DPP6: variants seen among roughly 807,000 people sequenced by gnomAD.
DPP6 encodes dipeptidyl peptidase like 6, also known as A-type potassium channel modulatory protein DPP6.
Under a neutral mutation model 122.6 loss-of-function variants are expected in DPP6, and 69 were observed. That is an observed-to-expected ratio of 0.56 (90% CI 0.46 to 0.69). The LOEUF (loss-of-function observed/expected upper bound fraction) is 0.69. DPP6 is among the 30% of genes least tolerant of loss of function. The pLI is 0.00. For synonymous variants in DPP6, 418 were observed against 433.1 expected (o/e 0.97, Z 0.43); for missense variants, 928 against 1,116.9 (o/e 0.83, Z 2.41).
intron 5 of DPP6, among the ~76,000 whole-genome samples, chr7:154,629,331 AT>A (rs886729932): frequency 1.1e-4 from 17 of 151,794 alleles, no homozygotes; most frequent in Non-Finnish European, 2.4e-4. Flanking sequence ...TGGTGCTTTT[AT>A]TTTTTTCCTT....
chr7:153,916,379 C>G (rs1352149046), intron 1 of DPP6, among the ~76,000 whole-genome samples: 1 of 139,856 alleles, frequency 7.2e-6, no homozygotes, highest in Non-Finnish European at 1.6e-5. Context: ...ATCTCCTCCC[C>G]TCTCCTCCCC....
intron 1 of DPP6, among the ~76,000 whole-genome samples, chr7:154,106,699 C>A (rs946673037): frequency 6.6e-6 from 1 of 151,938 alleles, no homozygotes; most frequent in African/African-American, 2.4e-5. Context: ...ATGAAGGGTG[C>A]GATGGAGCTC....
At chr7:154,661,977 T>C (rs1451164396) in intron 6 of DPP6, among the ~76,000 whole-genome samples, 75 of 101,804 alleles carry the variant, frequency 7.4e-4, no homozygotes, top group Middle Eastern at 0.01. Flanking sequence ...ATCAGCATGG[T>C]GTATTGGCGC....
At chr7:154,267,578 T>C (rs1585785356) in intron 1 of DPP6, among the ~76,000 whole-genome samples, 2 of 151,024 alleles carry the variant, frequency 1.3e-5, no homozygotes, top group South Asian at 4.2e-4. Flanking sequence ...TACACACACA[T>C]ATGTGCACAT....
At chr7:153,886,732 T>C (rs555248650), upstream of DPP6, among the ~76,000 whole-genome samples, 59 of 152,258 alleles carry the variant, frequency 3.9e-4, no homozygotes, top group African/African-American at 1.4e-3. Context: ...GTGTGTCCCA[T>C]AGTAACCTGT....
At chr7:154,153,916 T>G (rs1431512017) in intron 1 of DPP6, among the ~76,000 whole-genome samples, 1 of 152,214 alleles carries the variant, frequency 6.6e-6, no homozygotes, top group Non-Finnish European at 1.5e-5. Context: ...TGGCAAACTC[T>G]CAAACCCAAT....
In DPP6 at chr7:154,133,408, G is replaced by A. The variant is rs555603946; in HGVS notation, c.243+80345G>A. Among the ~76,000 whole-genome samples, 8 of 152,254 alleles carry A rather than the reference G, an allele frequency of 5.3e-5. No individual in the cohort carries two copies. In the South Asian group the frequency reaches 1.7e-3, roughly 32 times the overall value. ...GGGCTCTGTTCTTTGTTCATCCTTT[G>A]TTAGGAGATGTGAAGACATTCTGAG... On this transcript the variant is annotated intron_variant, in intron 1 of 25. Transcript: ENST00000377770.
At chr7:154,584,866 G>C (rs186925962) in intron 5 of DPP6, among the ~76,000 whole-genome samples, 1 of 152,180 alleles carries the variant, frequency 6.6e-6, no homozygotes, top group African/African-American at 2.4e-5. Context: ...CATTTTAAAT[G>C]TCTTCCTGAT....
At chr7:154,796,876 T>G (rs1034059379) in intron 12 of DPP6, among the ~76,000 whole-genome samples, 1 of 152,196 alleles carries the variant, frequency 6.6e-6, no homozygotes, top group Non-Finnish European at 1.5e-5. Context: ...ATGTATCCTG[T>G]TTCTGCTCTG....
intron 1 of DPP6, among the ~76,000 whole-genome samples, chr7:154,337,806 G>C (rs367881423): frequency 1.3e-5 from 2 of 152,366 alleles, no homozygotes; most frequent in South Asian, 2.1e-4. Flanking sequence ...GGATAAGAGA[G>C]ACGTTTAAGC....
At chr7:154,824,132 T>C (rs1475655877) in intron 16 of DPP6, among the ~76,000 whole-genome samples, 1 of 152,232 alleles carries the variant, frequency 6.6e-6, no homozygotes, top group Middle Eastern at 3.2e-3. Flanking sequence ...GCTGCTTGAC[T>C]AGAGGATTCC....
At position 153,961,946 on chromosome 7, in the gene DPP6, G is replaced by A. The variant is rs1338166275; in HGVS notation, c.51+74212G>A. 2.7e-5 allele frequency among the ~76,000 whole-genome samples: 4 copies of A among 149,376 alleles called. No individual in the cohort carries two copies. In the East Asian group the frequency reaches 7.9e-4, roughly 29 times the overall value. ...AGCCATCATTCATGGCTCAAGTTGGGGACCCCTGTGCTAGAGCACACACAC... is the reference window on the plus strand; with the variant it reads ...AGCCATCATTCATGGCTCAAGTTGGAGACCCCTGTGCTAGAGCACACACAC... On this transcript the variant is annotated intron_variant, in intron 1 of 25. Transcript: ENST00000404039.
chr7:154,166,876 A>G (rs1797278512), intron 1 of DPP6, among the ~76,000 whole-genome samples: 1 of 148,194 alleles, frequency 6.7e-6, no homozygotes, highest in South Asian at 2.1e-4. Flanking sequence ...GCATCACTAC[A>G]CTCTAGCCTG....
intron 7 of DPP6, among the ~76,000 whole-genome samples, chr7:154,706,435 TC>T (rs764097460): frequency 6.6e-6 from 1 of 151,928 alleles, no homozygotes; most frequent in Non-Finnish European, 1.5e-5. Context: ...TTTTTAAACT[TC>T]CTCCCAGCAA....
chr7:154,824,587 T>C (rs1365200727), intron 16 of DPP6, among the ~76,000 whole-genome samples: 1 of 152,234 alleles, frequency 6.6e-6, no homozygotes, highest in African/African-American at 2.4e-5. Context: ...CCAGGAATGT[T>C]ATCTTAATGC....
chr7:154,032,107 C>A (rs1342317636), intron 1 of DPP6, among the ~76,000 whole-genome samples: 2 of 151,576 alleles, frequency 1.3e-5, no homozygotes, highest in African/African-American at 4.9e-5. Context: ...ATCTCCTGAC[C>A]TTGTGATCCT....
intron 4 of DPP6, among the ~76,000 whole-genome samples, chr7:154,549,745 A>G (rs992356811): frequency 2.0e-5 from 3 of 152,164 alleles, no homozygotes; most frequent in Non-Finnish European, 2.9e-5. Flanking sequence ...AAACCTTATC[A>G]TCGCATGTGG....
At chr7:153,936,959 C>A (rs1801475686) in intron 1 of DPP6, among the ~76,000 whole-genome samples, 1 of 152,168 alleles carries the variant, frequency 6.6e-6, no homozygotes, top group African/African-American at 2.4e-5. Flanking sequence ...AACCAGAGTT[C>A]CACAGGGAGA....
At chr7:153,878,406 C>A in the DPP6 span, among the ~76,000 whole-genome samples, 1 of 151,522 alleles carries the variant, frequency 6.6e-6, no homozygotes, top group Non-Finnish European at 1.5e-5. Flanking sequence ...ATTGACTCAA[C>A]AATAGCATGG....
Sources: allele counts gnomAD v4.1 joint callset (sites outside exome capture counted in the v4.1 genomes callset), GRCh38; gene constraint gnomAD v4.1.1; transcripts MANE v1.5; gene names NCBI Gene and HGNC (gene_info 2026-07-23, HGNC 2026-07-21).